Variants in MEGF10 observed in about 807,000 individuals in gnomAD.
MEGF10 encodes the protein multiple epidermal growth factor-like domains protein 10.
MEGF10 carries 86 observed loss-of-function variants against 147.5 expected under a neutral mutation model. That is an observed-to-expected ratio of 0.58 (90% CI 0.49 to 0.70). The LOEUF is 0.70. Among genes scored for constraint, MEGF10 ranks in the 30% least tolerant of loss-of-function variants. The pLI, the probability that MEGF10 is intolerant of heterozygous loss-of-function variation, is 0.00. For missense variants in MEGF10, 1,329 were observed against 1,487.3 expected (o/e 0.89, Z 1.75); for synonymous variants, 478 against 525.5 (o/e 0.91, Z 1.24).
At chr5:127,432,490 C>G (rs1404910996) in intron 13 of MEGF10, among the ~76,000 whole-genome samples, 1 of 152,216 alleles carries the variant, frequency 6.6e-6, no homozygotes. Context: ...CAGTTCACTA[C>G]TAATTATAAC....
intron 13 of MEGF10, chr5:127,424,619 A>C: frequency 8.1e-7 from 1 of 1,234,202 alleles, no homozygotes; most frequent in Non-Finnish European, 1.0e-6. Flanking sequence ...CTTGATTTCT[A>C]GTGTCTGAGA....
intron 13 of MEGF10, among the ~76,000 whole-genome samples, chr5:127,428,122 GC>G (rs1765266273): frequency 6.6e-6 from 1 of 150,510 alleles, no homozygotes; most frequent in South Asian, 2.1e-4. Flanking sequence ...CCAGACTGAG[GC>G]AGGCCATGGT....
At position 127,461,061 on chromosome 5, in the gene MEGF10, A is replaced by G. The variant is rs1766541564; in HGVS notation, c.*3743A>G. ...TTTTTAAAAAGAAAAATCAAAATAC[A>G]TTAGGGTTTACTTGGTTGTGGCAAA... is the stretch of plus-strand genomic sequence containing the variant. On this transcript the variant is annotated 3_prime_UTR_variant, in exon 25 of 25. Coordinates refer to ENST00000503335, the MANE Select transcript of MEGF10 (RefSeq NM_001256545.2). 1 of 152,222 alleles carries G rather than the reference A, an allele frequency of 6.6e-6. No individual in the cohort carries two copies. The highest frequency in any genetic ancestry group is 1.5e-5 in the Non-Finnish European group (1 of 68,038). 9.4% of individuals were successfully genotyped at this position (152,222 alleles called of 1,614,324 possible).
chr5:127,389,267 T>C (rs1280239581), intron 5 of MEGF10, among the ~76,000 whole-genome samples: 4 of 152,064 alleles, frequency 2.6e-5, no homozygotes, highest in African/African-American at 7.2e-5. Context: ...TATTAAAAAG[T>C]CAAAAAATAA....
Position 127,331,291 on chromosome 5 carries a change from G to T in MEGF10, c.-18G>T, listed in dbSNP as rs763230691. On this transcript the variant is annotated splice_region_variant and 5_prime_UTR_variant, in exon 2 of 25. Transcript: ENST00000503335. ...AATTGGGATTTTTTCTTTCTTGTAG[G>T]TTGTTCTTCAGAAAAAAATGGTTAT... The T allele has an allele frequency of 6.7e-7, 1 of 1,490,076 alleles. No homozygotes were observed. The highest frequency in any genetic ancestry group is 1.7e-5 in the Admixed American group (1 of 58,540). 92.3% of individuals were successfully genotyped at this position (1,490,076 alleles called of 1,614,324 possible).
In MEGF10 at chr5:127,402,575, G is replaced by C. The variant is rs1382587613; in HGVS notation, c.810G>C (p.Glu270Asp). ...MGTVCGQPCP[E>D]GRFGKNCSQE... ...CAGTGTGTGGTCAGCCTTGCCCCGA[G>C]GGTCGCTTTGGAAAGAACTGTTCCC... is the stretch of plus-strand genomic sequence containing the variant. The change falls in exon 8 of 25, where the codon GAG becomes GAC. Residue 270 changes from glutamate (E) to aspartate (D), a missense_variant. Glu to Asp is a conservative substitution (Grantham distance 45). Transcript: ENST00000503335. 2 of 1,613,884 alleles carry C rather than the reference G, an allele frequency of 1.2e-6. No homozygotes were observed. Among genetic ancestry groups the C allele is most frequent in the Non-Finnish European group, 1.7e-6 (2 of 1,179,974 alleles).
At chr5:127,235,055 A>G in the MEGF10 span, among the ~76,000 whole-genome samples, 1 of 152,154 alleles carries the variant, frequency 6.6e-6, no homozygotes, top group Non-Finnish European at 1.5e-5. Context: ...CATGTTGGCC[A>G]GACTGGTTGC....
intron 1 of MEGF10, among the ~76,000 whole-genome samples, chr5:127,307,501 G>A (rs1199492545): frequency 6.6e-6 from 1 of 152,220 alleles, no homozygotes; most frequent in Non-Finnish European, 1.5e-5. Context: ...TTATTTTGAG[G>A]ATGAATACTA....
At chr5:127,285,458 A>G in the MEGF10 span, among the ~76,000 whole-genome samples, 3 of 152,164 alleles carry the variant, frequency 2.0e-5, no homozygotes, top group Non-Finnish European at 4.4e-5. Context: ...ATTCTATGTT[A>G]ACAGAGTGAT....
In MEGF10 at chr5:127,303,335, C is replaced by CAAAAAAA. The variant is rs1174955274; in HGVS notation, c.-19+12293_-19+12299dup. Among the ~76,000 whole-genome samples the CAAAAAAA allele has an allele frequency of 2.8e-4, 14 of 50,622 alleles. 4 individuals are homozygous for CAAAAAAA. The highest frequency in any genetic ancestry group is 3.8e-4 in the Non-Finnish European group (8 of 21,208). 33.2% of individuals were successfully genotyped at this position (50,622 alleles called of 152,430 possible). A position where few individuals can be genotyped will look rare whatever the true frequency, so the allele number is the denominator to read the frequency against. On this transcript the variant is annotated intron_variant, in intron 1 of 24. Coordinates refer to ENST00000503335, the MANE Select transcript of MEGF10 (RefSeq NM_001256545.2). The stretch of plus-strand genomic sequence containing the variant: ...TGGACAACAGATCGAGACTCCATGT[C>CAAAAAAA]AAAAAAAAAAAAAAAAAAAAGCAAT...
intron 4 of MEGF10, among the ~76,000 whole-genome samples, chr5:127,343,710 G>A (rs246897): frequency 0.4 from 61,230 of 151,940 alleles, 13,743 homozygotes; most frequent in Middle Eastern, 0.56. Flanking sequence ...CAGCACTTTG[G>A]GAGGCTAAGG....
chr5:127,347,698 C>G (rs1475269074), intron 4 of MEGF10, among the ~76,000 whole-genome samples: 1 of 151,964 alleles, frequency 6.6e-6, no homozygotes, highest in Non-Finnish European at 1.5e-5. Context: ...CCAAGGAAAA[C>G]TGTTATATTT....
At chr5:127,412,752 T>G (rs1053702027) in intron 9 of MEGF10, among the ~76,000 whole-genome samples, 3 of 152,228 alleles carry the variant, frequency 2.0e-5, no homozygotes, top group Admixed American at 2.0e-4. Flanking sequence ...ATTTACTAAC[T>G]GATGATTTTT....
chr5:127,254,865 G>A, the MEGF10 span, among the ~76,000 whole-genome samples: 2 of 151,488 alleles, frequency 1.3e-5, no homozygotes, highest in African/African-American at 4.9e-5. Context: ...CACCTGACAG[G>A]TTCTTTTTGC....
chr5:127,340,386 G>A, intron 3 of MEGF10, 144 bp from the exon 4 acceptor site: 1 of 538,174 alleles, frequency 1.9e-6, no homozygotes, highest in Non-Finnish European at 3.3e-6. Context: ...CTTCAATAGG[G>A]AATCTTAATA....
chr5:127,283,319 A>T, the MEGF10 span, among the ~76,000 whole-genome samples: 1 of 152,230 alleles, frequency 6.6e-6, no homozygotes, highest in African/African-American at 2.4e-5. Flanking sequence ...TAATAGATGT[A>T]TTCACTATAT....
Position 127,460,950 on chromosome 5 carries a change from T to C in MEGF10, c.*3632T>C, listed in dbSNP as rs1766538260. 1 of 152,210 alleles carries C rather than the reference T, an allele frequency of 6.6e-6. No individual in the cohort carries two copies. 9.4% of individuals were successfully genotyped at this position (152,210 alleles called of 1,614,324 possible). ...AACTGCCCGTTTAGAGTCCTGTTAATATTGATGTCCTAACACTGGGTCTGC... is the reference window on the plus strand; with the variant it reads ...AACTGCCCGTTTAGAGTCCTGTTAACATTGATGTCCTAACACTGGGTCTGC... On this transcript the variant is annotated 3_prime_UTR_variant, in exon 25 of 25. Coordinates refer to ENST00000503335, the MANE Select transcript of MEGF10 (RefSeq NM_001256545.2).
At chr5:127,363,872 T>C (rs1762563696) in intron 4 of MEGF10, among the ~76,000 whole-genome samples, 1 of 152,186 alleles carries the variant, frequency 6.6e-6, no homozygotes. Context: ...ATCACACATG[T>C]GGACCACTGG....
chr5:127,398,570 A>T (rs1445951184), intron 6 of MEGF10, 106 bp from the exon 7 acceptor site: 1 of 1,316,156 alleles, frequency 7.6e-7, no homozygotes. Context: ...ATGAACAATT[A>T]TTGAACACAG....
Sources: gnomAD v4.1 joint callset for allele counts (sites outside exome capture counted in the v4.1 genomes callset) on GRCh38, gnomAD v4.1.1 for gene constraint, MANE v1.5 for transcripts, NCBI Gene and HGNC (gene_info 2026-07-23, HGNC 2026-07-21) for gene names.